The following MANBA variants were observed in gnomAD, a reference collection of about 807,000 sequenced individuals.
MANBA encodes beta-mannosidase.
Under a neutral mutation model 111.1 loss-of-function variants are expected in MANBA, and 83 were observed. That is an observed-to-expected ratio of 0.75 (90% confidence interval 0.63 to 0.90). The LOEUF (loss-of-function observed/expected upper bound fraction) is 0.90, where lower values mean the gene tolerates loss of function less well. Ranked by LOEUF, MANBA falls within the 40% of genes least tolerant of loss-of-function variation. The pLI is 0.00. For missense variants in MANBA, 1,036 were observed against 1,069.0 expected (o/e 0.97, Z 0.43); for synonymous variants, 370 against 378.7 (o/e 0.98, Z 0.27).
In MANBA at chr4:102,723,033, AT is replaced by A; in HGVS notation, c.386del (p.Asp129ValfsTer9). 6.2e-7 allele frequency: 1 copy of A among 1,613,840 alleles called. No homozygotes were observed. Among genetic ancestry groups the A allele is most frequent in the Non-Finnish European group, 8.5e-7 (1 of 1,179,778 alleles). ...TDNMFNRYSF[D>X]ITNVVRDVNS... ...TCACGTCCCTGACCACGTTGGTAATATCAAAGCTCTAAGTTAAAGGGAACAA... is the reference window on the plus strand; with the variant it reads ...TCACGTCCCTGACCACGTTGGTAATACAAAGCTCTAAGTTAAAGGGAACAA... On this transcript the variant is annotated frameshift_variant, in exon 4 of 17. Coordinates refer to ENST00000647097, the MANE Select transcript of MANBA (RefSeq NM_005908.4). LOFTEE classifies it high-confidence loss of function.
rs776864457 is a variant in MANBA, at chr4:102,760,771, C to G, written c.124G>C (p.Gly42Arg). 6.4e-7 allele frequency: 1 copy of G among 1,550,862 alleles called. No individual in the cohort carries two copies. Among genetic ancestry groups the G allele is most frequent in the South Asian group, 1.2e-5 (1 of 84,152 alleles). ...CTGTGCACGCAGCCAGGGACCGCCC[C>G]GGGCAGCTCCAGCGAGCCGTTCCCA... Reference protein sequence around the residue: ...CNGNGSLELPGAVPGCVHSAL... With the variant: ...CNGNGSLELPRAVPGCVHSAL... The change falls in exon 1 of 17, where the codon GGG becomes CGG. Residue 42 changes from glycine (G) to arginine (R), a missense_variant. By Grantham distance (125) the Gly-to-Arg change is moderately radical (BLOSUM62 -2). Coordinates refer to ENST00000647097, the MANE Select transcript of MANBA (RefSeq NM_005908.4).
At chr4:102,668,872 G>A in intron 10 of MANBA, 91 bp downstream of exon 10, 1 of 1,074,374 alleles carries the variant, frequency 9.3e-7, no homozygotes, top group South Asian at 1.3e-5. Flanking sequence ...ATTTAGTAGA[G>A]AACAAAAACC....
intron 4 of MANBA, among the ~76,000 whole-genome samples, chr4:102,715,253 C>T (rs1305856753): frequency 1.2e-4 from 18 of 152,040 alleles, no homozygotes; most frequent in African/African-American, 3.9e-4. Flanking sequence ...GGCAGCTCTG[C>T]GGAGAGACCC....
chr4:102,750,730 T>C (rs1462485310), intron 1 of MANBA, among the ~76,000 whole-genome samples: 1 of 152,000 alleles, frequency 6.6e-6, no homozygotes, highest in East Asian at 1.9e-4. Flanking sequence ...CTGTGCAACA[T>C]AGGGAGACTC....
intron 1 of MANBA, chr4:102,728,399 G>A: frequency 4.0e-6 from 2 of 502,162 alleles, no homozygotes; most frequent in Non-Finnish European, 7.8e-6. Context: ...GTTTTCCTGT[G>A]GTTGGACAGT....
At chr4:102,664,107 A>G (rs1391647472) in intron 11 of MANBA, among the ~76,000 whole-genome samples, 3 of 152,222 alleles carry the variant, frequency 2.0e-5, no homozygotes, top group Non-Finnish European at 4.4e-5. Flanking sequence ...ACTTTTTGGG[A>G]TCCACGGATG....
intron 1 of MANBA, chr4:102,727,855 T>G (rs752238094): frequency 4.6e-5 from 27 of 588,562 alleles, no homozygotes; most frequent in Non-Finnish European, 6.8e-5. Context: ...TCAGGTCTCC[T>G]AAAGATGAAA....
chr4:102,690,483 T>A, intron 6 of MANBA, 113 bp downstream of exon 6: 1 of 997,310 alleles, frequency 1.0e-6, no homozygotes, highest in Non-Finnish European at 1.6e-6. Flanking sequence ...AAATGACAAA[T>A]ATAAGCAGAG....
At chr4:102,748,734 G>A (rs1723676374) in intron 1 of MANBA, among the ~76,000 whole-genome samples, 2 of 152,088 alleles carry the variant, frequency 1.3e-5, no homozygotes, top group South Asian at 4.1e-4. Flanking sequence ...CCAACATGAT[G>A]AAACACCATC....
chr4:102,759,746 T>C (rs1436998930), intron 1 of MANBA, among the ~76,000 whole-genome samples: 1 of 152,170 alleles, frequency 6.6e-6, no homozygotes, highest in Non-Finnish European at 1.5e-5. Context: ...GACCAGGCTA[T>C]GGAGTTGAGA....
chr4:102,658,896 G>A (rs1213623484), intron 11 of MANBA: 1 of 152,212 alleles, frequency 6.6e-6, no homozygotes, highest in East Asian at 1.9e-4. Context: ...TTAACAGGGT[G>A]CCTAGCACAC....
At chr4:102,733,701 G>A (rs921078310) in intron 1 of MANBA, among the ~76,000 whole-genome samples, 6 of 152,148 alleles carry the variant, frequency 3.9e-5, no homozygotes, top group Admixed American at 6.5e-5. Flanking sequence ...GTAACCTGAA[G>A]TAATCTGATG....
At chr4:102,649,988 C>T (rs1353052016) in intron 13 of MANBA, among the ~76,000 whole-genome samples, 1 of 152,130 alleles carries the variant, frequency 6.6e-6, no homozygotes, top group Non-Finnish European at 1.5e-5. Flanking sequence ...CTCAATCAAT[C>T]CTCCCACCTC....
chr4:102,690,587 A>G lies in MANBA; in HGVS notation c.849+9T>C. 1 of 1,608,404 alleles carries G rather than the reference A, an allele frequency of 6.2e-7. No homozygotes were observed. The highest frequency in any genetic ancestry group is 8.5e-7 in the Non-Finnish European group (1 of 1,176,052). On this transcript the variant is annotated intron_variant, in intron 6 of 16. Coordinates refer to ENST00000647097, the MANE Select transcript of MANBA (RefSeq NM_005908.4). ...CATCCAGTGCTTCTCAGGAAGTACC[A>G]TCATTTACCTTGCTAATGTTCACAA...
chr4:102,712,199 C>T (rs577795095), intron 5 of MANBA, among the ~76,000 whole-genome samples: 33 of 152,214 alleles, frequency 2.2e-4, no homozygotes, highest in Admixed American at 5.2e-4. Context: ...ACAAATATTA[C>T]GTGTCAATTT....
At chr4:102,634,690 G>T in intron 16 of MANBA, 98 bp downstream of exon 16, 1 of 1,519,266 alleles carries the variant, frequency 6.6e-7, no homozygotes. Context: ...AGCACCAAGG[G>T]GGACACATGC....
intron 11 of MANBA, among the ~76,000 whole-genome samples, 169 bp from the exon 12 acceptor site, chr4:102,658,069 G>C (rs912227318): frequency 1.3e-5 from 2 of 152,148 alleles, no homozygotes; most frequent in African/African-American, 4.8e-5. Flanking sequence ...GCACCTCTCT[G>C]CTCTTCGCCA....
intron 12 of MANBA, among the ~76,000 whole-genome samples, chr4:102,654,741 G>C (rs1730487590): frequency 1.3e-5 from 2 of 151,996 alleles, no homozygotes; most frequent in African/African-American, 4.8e-5. Context: ...AACACTAAAT[G>C]GTAAATCATT....
chr4:102,674,354 C>T (rs953614797), intron 7 of MANBA, among the ~76,000 whole-genome samples: 32 of 151,904 alleles, frequency 2.1e-4, no homozygotes, highest in Non-Finnish European at 3.2e-4. Context: ...TCAAAAAAGA[C>T]AATTTGAAGA....
Sources: allele counts gnomAD v4.1 joint callset (sites outside exome capture counted in the v4.1 genomes callset), GRCh38; gene constraint gnomAD v4.1.1; transcripts MANE v1.5; gene names NCBI Gene and HGNC (gene_info 2026-07-23, HGNC 2026-07-21).